SORCS1: variants seen among roughly 807,000 people sequenced by gnomAD.
SORCS1 encodes VPS10 domain-containing receptor SorCS1.
Under a neutral mutation model 146.1 loss-of-function variants are expected in SORCS1, and 60 were observed. The observed-to-expected ratio is 0.41, with a 90% CI of 0.33 to 0.51. SORCS1 has a LOEUF of 0.51. SORCS1 is among the 20% of genes least tolerant of loss of function. The pLI, the probability that SORCS1 is intolerant of heterozygous loss-of-function variation, is 0.21. For missense variants in SORCS1, 1,352 were observed against 1,487.6 expected, an observed-to-expected ratio of 0.91 and a Z score of 1.50; for synonymous variants, 637 against 584.0, an observed-to-expected ratio of 1.09 and a Z score of -1.31.
At chr10:106,709,916 T>C (rs1329023865) in intron 6 of SORCS1, among the ~76,000 whole-genome samples, 1 of 152,192 alleles carries the variant, frequency 6.6e-6, no homozygotes, top group East Asian at 1.9e-4. Context: ...AATACTAAAT[T>C]CTTGCTAATT....
chr10:107,178,317 T>A, the SORCS1 span, among the ~76,000 whole-genome samples: 1 of 152,058 alleles, frequency 6.6e-6, no homozygotes, highest in African/African-American at 2.4e-5. Flanking sequence ...CTCTGATAAC[T>A]ATAATTCTAC....
chr10:106,732,845 G>A (rs1856691721), intron 5 of SORCS1, among the ~76,000 whole-genome samples: 1 of 152,158 alleles, frequency 6.6e-6, no homozygotes, highest in Non-Finnish European at 1.5e-5. Context: ...GCAAGGCCAG[G>A]TGCAGTGGCT....
intron 6 of SORCS1, among the ~76,000 whole-genome samples, chr10:106,711,952 A>AT (rs1162010582): frequency 1.3e-5 from 2 of 152,206 alleles, no homozygotes; most frequent in Non-Finnish European, 2.9e-5. Flanking sequence ...ATTTATGACG[A>AT]TAAGAACTGG....
chr10:106,851,602 T>C (rs1454440836), intron 2 of SORCS1, among the ~76,000 whole-genome samples: 3 of 152,252 alleles, frequency 2.0e-5, no homozygotes, highest in Non-Finnish European at 4.4e-5. Context: ...TCCTGATTAC[T>C]ACAAGTTTAT....
In SORCS1 at chr10:106,933,702, C is replaced by G. The variant is rs571026357; in HGVS notation, c.626+22811G>C. Among the ~76,000 whole-genome samples, 4 of 152,238 alleles carry G rather than the reference C, an allele frequency of 2.6e-5. No individual in the cohort carries two copies. The East Asian group carries it at 7.7e-4, about 29-fold the overall frequency. On this transcript the variant is annotated intron_variant, in intron 2 of 25. Transcript: ENST00000263054. ...GTCAAGTTTTACCTGCTCCAACTCC[C>G]AAGTAAGGATAGCTAACACCCACAG...
At chr10:106,967,690 T>TA (rs1589813575) in intron 1 of SORCS1, among the ~76,000 whole-genome samples, 1 of 152,110 alleles carries the variant, frequency 6.6e-6, no homozygotes. Context: ...GTTTTATAGT[T>TA]AAAGAAACAA....
At chr10:106,877,231 G>T (rs548277493) in intron 2 of SORCS1, among the ~76,000 whole-genome samples, 33 of 152,066 alleles carry the variant, frequency 2.2e-4, no homozygotes, top group Non-Finnish European at 4.3e-4. Flanking sequence ...TGGTTAATGG[G>T]CTGTAAGAGA....
At chr10:106,735,501 C>A (rs1261078897) in intron 5 of SORCS1, among the ~76,000 whole-genome samples, 2 of 152,164 alleles carry the variant, frequency 1.3e-5, no homozygotes, top group African/African-American at 4.8e-5. Flanking sequence ...AAAGCAAGGT[C>A]CAGGAACCCT....
chr10:106,902,868 G>A (rs986005298), intron 2 of SORCS1, among the ~76,000 whole-genome samples: 3 of 152,214 alleles, frequency 2.0e-5, no homozygotes, highest in African/African-American at 7.2e-5. Flanking sequence ...CACAAGGTCA[G>A]GAGATTGAGA....
In SORCS1 at chr10:106,773,253, T is replaced by C. The variant is rs147478695; in HGVS notation, c.885+3281A>G. Among the ~76,000 whole-genome samples the C allele has an allele frequency of 6.4e-4, 97 of 152,330 alleles. No individual in the cohort carries two copies. The South Asian group carries it at 7.0e-3, about 11-fold the overall frequency. On this transcript the variant is annotated intron_variant, in intron 4 of 25. Transcript: ENST00000263054. ...TGAAAGAATAAATGTTCCTGTTTCC[T>C]AGGCAAGGGCAGTCACTGGCCAGCC...
chr10:106,933,039 G>A (rs10884388), intron 2 of SORCS1, among the ~76,000 whole-genome samples: 3 of 152,120 alleles, frequency 2.0e-5, no homozygotes, highest in East Asian at 1.9e-4. Flanking sequence ...CAGCACGATC[G>A]TGTTCAGGTC....
chr10:106,659,298 G>A (rs12254438), intron 17 of SORCS1, among the ~76,000 whole-genome samples: 2,281 of 152,272 alleles, frequency 0.015, 37 homozygotes, highest in African/African-American at 0.041. Flanking sequence ...GGAAGCAGAC[G>A]TCATTTAATT....
chr10:106,705,208 C>T (rs1404641020), intron 8 of SORCS1, among the ~76,000 whole-genome samples: 1 of 152,210 alleles, frequency 6.6e-6, no homozygotes, highest in Non-Finnish European at 1.5e-5. Flanking sequence ...ATTAATCTCT[C>T]AGCAGCTGAA....
chr10:107,157,885 T>G lies in SORCS1; in HGVS notation c.558+6084A>C, dbSNP rs896550392. Among the ~76,000 whole-genome samples, 3 of 152,186 alleles carry G rather than the reference T, an allele frequency of 2.0e-5. No individual in the cohort carries two copies. In the East Asian group the frequency reaches 5.8e-4, roughly 29 times the overall value. The stretch of plus-strand genomic sequence containing the variant: ...CCATCCCCTTTGGCCACTGCAGAGA[T>G]GCTGTTTGGCCAGTTTCCCCTCCAG... On this transcript the variant is annotated intron_variant, in intron 1 of 25. Transcript: ENST00000263054.
At chr10:106,829,004 C>T (rs1471309977) in intron 3 of SORCS1, among the ~76,000 whole-genome samples, 2 of 152,114 alleles carry the variant, frequency 1.3e-5, no homozygotes, top group Non-Finnish European at 2.9e-5. Flanking sequence ...TGATGATCTC[C>T]AAGGCTTCTT....
chr10:106,863,874 C>T (rs1950123420), intron 2 of SORCS1, among the ~76,000 whole-genome samples: 1 of 151,290 alleles, frequency 6.6e-6, no homozygotes, highest in South Asian at 2.1e-4. Context: ...CACAATCTTT[C>T]CAGAGTCCCT....
At chr10:107,055,758 T>C (rs1289547062) in intron 1 of SORCS1, among the ~76,000 whole-genome samples, 1 of 152,130 alleles carries the variant, frequency 6.6e-6, no homozygotes, top group Non-Finnish European at 1.5e-5. Context: ...ACCTTGTGGT[T>C]TCTTCAGAAA....
chr10:107,121,270 C>T (rs926441569), intron 1 of SORCS1, among the ~76,000 whole-genome samples: 3 of 152,126 alleles, frequency 2.0e-5, no homozygotes, highest in African/African-American at 7.2e-5. Context: ...CCCTCTCTGT[C>T]AATCCTGAGA....
chr10:107,081,187 C>T (rs955944062), intron 1 of SORCS1, among the ~76,000 whole-genome samples: 4 of 152,116 alleles, frequency 2.6e-5, no homozygotes, highest in Admixed American at 2.6e-4. Flanking sequence ...CTAGAAGAAT[C>T]CAATCTCATC....
Sources: gnomAD v4.1 joint callset for allele counts (sites outside exome capture counted in the v4.1 genomes callset) on GRCh38, gnomAD v4.1.1 for gene constraint, MANE v1.5 for transcripts, NCBI Gene and HGNC (gene_info 2026-07-23, HGNC 2026-07-21) for gene names.